Variants in PDXDC1 observed in about 807,000 individuals in gnomAD.
PDXDC1 encodes pyridoxal dependent decarboxylase domain containing 1.
PDXDC1 carries 42 observed loss-of-function variants against 100.1 expected under a neutral mutation model. That is an observed-to-expected ratio of 0.42 (90% confidence interval 0.33 to 0.54). The LOEUF (loss-of-function observed/expected upper bound fraction) is 0.54, where lower values mean the gene tolerates loss of function less well. Ranked by LOEUF, PDXDC1 falls within the 20% of genes least tolerant of loss-of-function variation. The pLI, the probability that PDXDC1 is intolerant of heterozygous loss-of-function variation, is 0.10. For synonymous variants in PDXDC1, 260 were observed against 371.7 expected (o/e 0.70, Z 3.46); for missense variants, 636 against 979.2 (o/e 0.65, Z 4.68).
intron 18 of PDXDC1, 140 bp downstream of exon 18, chr16:15,033,119 T>C (rs748496159): frequency 1.0e-6 from 1 of 973,174 alleles, no homozygotes; most frequent in Non-Finnish European, 1.6e-6. Flanking sequence ...GAGACCTCCC[T>C]CCCCTTCTGC....
intron 16 of PDXDC1, chr16:15,131,580 G>A: frequency 1.9e-6 from 3 of 1,606,662 alleles, no homozygotes; most frequent in South Asian, 1.1e-5. Flanking sequence ...GGGAGCGCGT[G>A]AGGATGCGCA....
At chr16:15,148,565 T>C in the PDXDC1 span, among the ~76,000 whole-genome samples, 1 of 150,944 alleles carries the variant, frequency 6.6e-6, no homozygotes, top group African/African-American at 2.4e-5. Flanking sequence ...TTTTATTTTT[T>C]AGAGACCGGG....
chr16:15,076,424 A>G (rs961806411), intron 16 of PDXDC1: 102 of 708,328 alleles, frequency 1.4e-4, no homozygotes, highest in Non-Finnish European at 2.3e-4. Flanking sequence ...AATTACTCAT[A>G]TAAGGAATCG....
At chr16:15,135,607 G>T (rs1309939553) in intron 16 of PDXDC1, 5 of 1,492,614 alleles carry the variant, frequency 3.3e-6, no homozygotes, top group African/African-American at 1.4e-5. Context: ...CATGGGTGTG[G>T]ACGGGTGAGG....
intron 16 of PDXDC1, chr16:15,107,887 A>C: frequency 9.7e-7 from 1 of 1,029,794 alleles, no homozygotes; most frequent in Non-Finnish European, 1.2e-6. Context: ...CCTGATTCTC[A>C]GTCAGAGGCT....
At chr16:15,041,199 A>G (rs958686129), downstream of PDXDC1, 5 of 960,334 alleles carry the variant, frequency 5.2e-6, no homozygotes, top group African/African-American at 6.5e-5. Flanking sequence ...AATAAAGGCG[A>G]AGGAGGAGCT....
downstream of PDXDC1, among the ~76,000 whole-genome samples, chr16:15,142,527 G>A (rs1043027894): frequency 2.4e-4 from 36 of 151,980 alleles, no homozygotes; most frequent in African/African-American, 8.0e-4. Flanking sequence ...GTGTGGAAGC[G>A]TCTGCCCTGG....
intron 16 of PDXDC1, chr16:15,063,093 G>T: frequency 1.1e-6 from 1 of 870,806 alleles, no homozygotes; most frequent in Non-Finnish European, 2.0e-6. Flanking sequence ...ACCCCCTAAA[G>T]TGCGGGGATT....
chr16:14,990,380 T>C (rs912906246), intron 1 of PDXDC1, among the ~76,000 whole-genome samples: 4 of 152,298 alleles, frequency 2.6e-5, no homozygotes, highest in African/African-American at 9.6e-5. Context: ...CTGGTGTTGT[T>C]TATTAATGTT....
In PDXDC1 at chr16:15,068,550, C is replaced by G. The variant is rs2045079996; in HGVS notation, c.1399+38494C>G. On this transcript the variant is annotated intron_variant, in intron 16 of 16. Coordinates refer to the PDXDC1 transcript ENST00000535621. The stretch of plus-strand genomic sequence containing the variant: ...TAAGATTCCACGACAATGTGAAATT[C>G]ATATGTTTGCAAGCTCAGTGTATGC... Among the ~76,000 whole-genome samples, 3 of 152,122 alleles carry G rather than the reference C, an allele frequency of 2.0e-5. No individual in the cohort carries two copies. The South Asian group carries it at 6.2e-4, about 32-fold the overall frequency.
intron 16 of PDXDC1, among the ~76,000 whole-genome samples, chr16:15,087,485 G>A (rs1409515752): frequency 6.6e-6 from 1 of 152,146 alleles, no homozygotes; most frequent in Non-Finnish European, 1.5e-5. Flanking sequence ...CTCCCTATAT[G>A]CGGAGAAGAA....
chr16:15,023,616 G>A lies in PDXDC1; in HGVS notation c.1140+862G>A, dbSNP rs555543766. Among the ~76,000 whole-genome samples the A allele has an allele frequency of 2.0e-4, 30 of 152,392 alleles. No homozygotes were observed. The South Asian group carries it at 2.5e-3, about 13-fold the overall frequency. Reference sequence around the variant, plus strand: ...GGAGGTTGCAGTGAGCCGAGATTGCGCCTCTGCACTCCAGCCTGGGTGACA... The same window carrying A: ...GGAGGTTGCAGTGAGCCGAGATTGCACCTCTGCACTCCAGCCTGGGTGACA... On this transcript the variant is annotated intron_variant, in intron 13 of 22. Coordinates refer to ENST00000396410, the MANE Select transcript of PDXDC1 (RefSeq NM_015027.4).
At chr16:15,049,218 G>A (rs1386855047) in intron 16 of PDXDC1, among the ~76,000 whole-genome samples, 2 of 151,664 alleles carry the variant, frequency 1.3e-5, no homozygotes, top group Non-Finnish European at 1.5e-5. Flanking sequence ...TTGTAGAGAT[G>A]GGGCCTCCCT....
intron 1 of PDXDC1, among the ~76,000 whole-genome samples, chr16:14,982,278 C>T (rs1441552421): frequency 6.6e-6 from 1 of 152,308 alleles, no homozygotes; most frequent in Non-Finnish European, 1.5e-5. Flanking sequence ...GCGTAGAGAC[C>T]ATGATGGTTA....
In PDXDC1 at chr16:15,034,509, C is replaced by T. The variant is rs749652845; in HGVS notation, c.1958C>T (p.Pro653Leu). The change falls in exon 21 of 23, where the codon CCG becomes CTG. Residue 653 changes from proline (P) to leucine (L), a missense_variant. Coordinates refer to ENST00000396410, the MANE Select transcript of PDXDC1 (RefSeq NM_015027.4). Reference protein sequence around the residue: ...VVGSVLNWFSPVQALQKGRTF... With the variant: ...VVGSVLNWFSLVQALQKGRTF... The stretch of plus-strand genomic sequence containing the variant: ...GGCTCCGTGCTGAATTGGTTTTCTC[C>T]GGTCCAGGCTTTACAGAAGGGAAGA... 37 of 1,613,998 alleles carry T rather than the reference C, an allele frequency of 2.3e-5. No homozygotes were observed. The highest frequency in any genetic ancestry group is 4.5e-5 in the East Asian group (2 of 44,882).
downstream of PDXDC1, among the ~76,000 whole-genome samples, chr16:15,141,149 C>A (rs1462459891): frequency 6.6e-6 from 1 of 152,104 alleles, no homozygotes; most frequent in East Asian, 1.9e-4. Flanking sequence ...CCTGAGCACC[C>A]GCCCAGCCCT....
intron 16 of PDXDC1, among the ~76,000 whole-genome samples, chr16:15,077,468 G>A (rs767294442): frequency 7.2e-5 from 11 of 151,986 alleles, no homozygotes; most frequent in African/African-American, 1.9e-4. Flanking sequence ...TTCTCTTGCC[G>A]CCACCATGTA....
rs1211148960 is a variant in PDXDC1, at chr16:15,022,727, G to C, written c.1113G>C (p.Leu371Phe). The C allele has an allele frequency of 6.2e-7, 1 of 1,612,630 alleles. No individual in the cohort carries two copies. Among genetic ancestry groups the C allele is most frequent in the Non-Finnish European group, 8.5e-7 (1 of 1,179,354 alleles). The change falls in exon 13 of 23, where the codon TTG becomes TTC. Residue 371 changes from leucine (L) to phenylalanine (F), a missense_variant. This residue lies in a region of PDXDC1 where 125 missense variants were observed against 479.9 expected (regional missense o/e 0.26). Transcript: ENST00000396410. ...CQLSQRLQESLKKVNYIKILV... is the reference protein window; with the variant it reads ...CQLSQRLQESFKKVNYIKILV... ...AGAGTCAACGGTTGCAGGAAAGTTT[G>C]AAGAAAGTGAATTACATCAAAATCT...
chr16:15,093,094 T>C (rs2046202845), intron 16 of PDXDC1, among the ~76,000 whole-genome samples: 2 of 151,946 alleles, frequency 1.3e-5, no homozygotes, highest in African/African-American at 4.8e-5. Context: ...AACCTCCATC[T>C]CCCGGGTTCA....
Sources: gnomAD v4.1 joint callset for allele counts (sites outside exome capture counted in the v4.1 genomes callset) on GRCh38, gnomAD v4.1.1 for gene constraint, gnomAD v4.1.1 regional missense constraint, MANE v1.5 for transcripts, NCBI Gene and HGNC (gene_info 2026-07-23, HGNC 2026-07-21) for gene names.